CEP89: variants seen among roughly 807,000 people sequenced by gnomAD.
CEP89 encodes centrosomal protein of 89 kDa.
Under a neutral mutation model 97.6 loss-of-function variants are expected in CEP89, and 95 were observed. The ratio of observed to expected loss-of-function variants is 0.97; its 90% CI spans 0.82 to 1.15. CEP89 has a LOEUF of 1.15. CEP89 is among the 50% of genes most tolerant of loss of function. CEP89 has a pLI of 0.00. For synonymous variants in CEP89, 354 were observed against 349.1 expected (o/e 1.01, Z -0.16); for missense variants, 869 against 947.7 (o/e 0.92, Z 1.09).
intron 2 of CEP89, among the ~76,000 whole-genome samples, chr19:32,964,735 GGAGAT>G (rs1284419387): frequency 3.3e-5 from 5 of 152,164 alleles, no homozygotes. Flanking sequence ...GTGTGAGAAA[GGAGAT>G]GAGAGGTTGC....
At chr19:32,934,452 A>C (rs967663651) in intron 7 of CEP89, among the ~76,000 whole-genome samples, 3 of 152,196 alleles carry the variant, frequency 2.0e-5, no homozygotes, top group Non-Finnish European at 2.9e-5. Flanking sequence ...GTGCTCCGAA[A>C]GGTCACAGGA....
chr19:32,948,178 C>G, intron 5 of CEP89, 88 bp downstream of exon 5: 2 of 648,926 alleles, frequency 3.1e-6, no homozygotes, highest in South Asian at 4.3e-5. Context: ...CATGAAGGGG[C>G]AATGGGTATG....
chr19:32,934,287 T>G (rs536939197), intron 7 of CEP89, among the ~76,000 whole-genome samples: 75 of 151,754 alleles, frequency 4.9e-4, no homozygotes, highest in Middle Eastern at 3.4e-3. Context: ...AGGCCCAGAG[T>G]CCCAGGGCAG....
intron 11 of CEP89, 28 bp downstream of exon 11, chr19:32,926,160 TTG>T: frequency 2.0e-6 from 3 of 1,503,498 alleles, no homozygotes; most frequent in Non-Finnish European, 9.2e-7. Context: ...TTTATAAATC[TTG>T]TGTCTTCTGG....
Position 32,879,137 on chromosome 19 carries a change from GCTA to G in CEP89, c.*22_*24del. ...AGGCAGACCTTTCAGGCCAGAGGAG[GCTA>G]CACCACGGGCTCCCGCAGATTCTAG... On this transcript the variant is annotated 3_prime_UTR_variant, in exon 19 of 19. Transcript: ENST00000305768. The G allele has an allele frequency of 6.4e-7, 1 of 1,573,722 alleles. No individual in the cohort carries two copies. Among genetic ancestry groups the G allele is most frequent in the Non-Finnish European group, 8.7e-7 (1 of 1,155,338 alleles).
intron 14 of CEP89, among the ~76,000 whole-genome samples, chr19:32,913,302 TA>T (rs1288771109): frequency 0.31 from 18,504 of 59,602 alleles, 1,477 homozygotes; most frequent in South Asian, 0.45. Flanking sequence ...TATATATATA[TA>T]TATTTTTTTG....
chr19:32,928,701 G>A (rs1568565313), intron 9 of CEP89, among the ~76,000 whole-genome samples: 1 of 152,134 alleles, frequency 6.6e-6, no homozygotes, highest in Non-Finnish European at 1.5e-5. Flanking sequence ...AAGACTCCAA[G>A]GAGCCCCATG....
intron 3 of CEP89, among the ~76,000 whole-genome samples, chr19:32,954,897 T>G (rs1418882882): frequency 6.6e-6 from 1 of 151,210 alleles, no homozygotes; most frequent in Non-Finnish European, 1.5e-5. Flanking sequence ...ACTCCTGACC[T>G]CAAATGATCT....
chr19:32,905,436 A>C (rs981586371), intron 14 of CEP89, among the ~76,000 whole-genome samples: 1 of 151,964 alleles, frequency 6.6e-6, no homozygotes, highest in African/African-American at 2.4e-5. Flanking sequence ...TTCTTCCTTG[A>C]ATATTTGTAG....
chr19:32,970,320 G>A (rs1971373471), intron 1 of CEP89: 1 of 152,144 alleles, frequency 6.6e-6, no homozygotes, highest in African/African-American at 2.4e-5. Context: ...TCAGTTGTGG[G>A]TATCAGCACA....
chr19:32,926,325 A>G (rs1970356698), intron 10 of CEP89, 52 bp from the exon 11 acceptor site: 4 of 1,294,976 alleles, frequency 3.1e-6, no homozygotes, highest in Non-Finnish European at 4.4e-6. Context: ...TCTAAACACA[A>G]CCAGAAAATT....
At chr19:32,922,214 G>A (rs896486954) in intron 12 of CEP89, among the ~76,000 whole-genome samples, 5 of 152,052 alleles carry the variant, frequency 3.3e-5, no homozygotes, top group African/African-American at 7.2e-5. Flanking sequence ...GGCAGGTACC[G>A]GGACAGGGCA....
intron 1 of CEP89, chr19:32,969,965 TGCAGCCCTAGCCACACAGCGTGATGGCA>T (rs1971364669): frequency 6.6e-6 from 1 of 152,280 alleles, no homozygotes; most frequent in African/African-American, 2.4e-5. Context: ...CCATGAAGTG[TGCAGCCCTAGCCACACAGCGTGATGGCA>T]GCAGCCACTG....
At chr19:32,927,796 G>A (rs1970392192) in intron 9 of CEP89, among the ~76,000 whole-genome samples, 1 of 151,442 alleles carries the variant, frequency 6.6e-6, no homozygotes, top group Non-Finnish European at 1.5e-5. Context: ...GTAGAAATGG[G>A]GTTTCACCAT....
At position 32,901,276 on chromosome 19, in the gene CEP89, C is replaced by A. The variant is rs150896465; in HGVS notation, c.1702G>T (p.Ala568Ser). The change falls in exon 15 of 19, where the codon GCC (alanine) becomes TCC (serine). Residue 568 changes from alanine to serine, a missense_variant. Ala to Ser is a moderately conservative substitution (Grantham distance 99, BLOSUM62 1). Coordinates refer to ENST00000305768, the MANE Select transcript of CEP89 (RefSeq NM_032816.5). ...SLTEQNKALE[A>S]ELERAQKINR... ...ATTTTCTGTGCTCGTTCAAGTTCGG[C>A]TTCCAGTGCTTTGTTTTGCTCTGTC... 34 of 1,613,168 alleles carry A rather than the reference C, an allele frequency of 2.1e-5. No homozygotes were observed. Among genetic ancestry groups the A allele is most frequent in the Non-Finnish European group, 2.7e-5 (32 of 1,179,884 alleles).
intron 1 of CEP89, among the ~76,000 whole-genome samples, chr19:32,967,030 T>TG: frequency 6.6e-6 from 1 of 152,228 alleles, no homozygotes; most frequent in Non-Finnish European, 1.5e-5. Context: ...TCTCACTACA[T>TG]TGCCCAGACT....
intron 9 of CEP89, among the ~76,000 whole-genome samples, chr19:32,928,051 G>T (rs1970399454): frequency 6.6e-6 from 1 of 151,298 alleles, no homozygotes; most frequent in African/African-American, 2.4e-5. Flanking sequence ...GAGTAGCTGG[G>T]ACTACAGGTG....
chr19:32,882,082 G>T, intron 17 of CEP89, 69 bp from the exon 18 acceptor site: 1 of 1,361,904 alleles, frequency 7.3e-7, no homozygotes, highest in Non-Finnish European at 1.0e-6. Flanking sequence ...CCTCCTGGCT[G>T]TGCTCCCTAC....
At chr19:32,951,689 G>A (rs1341398037) in intron 4 of CEP89, among the ~76,000 whole-genome samples, 4 of 151,604 alleles carry the variant, frequency 2.6e-5, no homozygotes, top group African/African-American at 7.3e-5. Context: ...AGGGGACAAG[G>A]CAACATCTAC....
Sources: gnomAD v4.1 joint callset for allele counts (sites outside exome capture counted in the v4.1 genomes callset) on GRCh38, gnomAD v4.1.1 for gene constraint, MANE v1.5 for transcripts, NCBI Gene and HGNC (gene_info 2026-07-23, HGNC 2026-07-21) for gene names.